Variants in USH2A observed in about 807,000 individuals in gnomAD.
USH2A encodes Usher syndrome 2A (autosomal recessive, mild).
Under a neutral mutation model 538.9 loss-of-function variants are expected in USH2A, and 443 were observed. The observed-to-expected ratio is 0.82, with a 90% CI of 0.76 to 0.89. USH2A has a LOEUF of 0.89. Ranked by LOEUF, USH2A falls within the 40% of genes least tolerant of loss-of-function variation. The pLI is 0.00. For synonymous variants in USH2A, 2,413 were observed against 2,273.5 expected (o/e 1.06, Z -1.75); for missense variants, 6,633 against 6,324.8 (o/e 1.05, Z -1.65).
At chr1:216,125,280 T>A (rs2033227068) in intron 21 of USH2A, among the ~76,000 whole-genome samples, 1 of 151,204 alleles carries the variant, frequency 6.6e-6, no homozygotes, top group African/African-American at 2.4e-5. Context: ...TCCAGGAAGA[T>A]CATTAAACGT....
Position 215,755,668 on chromosome 1 carries a change from C to T in USH2A, c.11389+2927G>A, listed in dbSNP as rs185472443. On this transcript the variant is annotated intron_variant, in intron 58 of 71. Coordinates refer to ENST00000307340, the MANE Select transcript of USH2A (RefSeq NM_206933.4). ...TGTGCATCTTAAACTATAAGATTGA[C>T]AGGTCTGAATATTATAGATTTATTA... Among the ~76,000 whole-genome samples the T allele has an allele frequency of 9.9e-3, 1,510 of 152,232 alleles. 20 individuals carry two copies. The highest frequency in any genetic ancestry group is 0.034 in the African/African-American group (1,425 of 41,542).
intron 8 of USH2A, among the ~76,000 whole-genome samples, chr1:216,322,604 CAAA>C (rs202180946): frequency 1.4e-5 from 1 of 72,698 alleles, no homozygotes; most frequent in Non-Finnish European, 2.9e-5. Flanking sequence ...AAAAGCCTGT[CAAA>C]AAAAAAAAAA....
Position 216,323,466 on chromosome 1 carries a change from A to G in USH2A, c.1550+8T>C, listed in dbSNP as rs1571700973. 6.2e-7 allele frequency: 1 copy of G among 1,612,982 alleles called. No homozygotes were observed. The highest frequency in any genetic ancestry group is 1.3e-5 in the African/African-American group (1 of 74,938). Reference sequence around the variant, plus strand: ...AAACCTTGTTGAAAACAAAATTCATAATAATACCTCCCACTAATGGTGATT... The same window carrying G: ...AAACCTTGTTGAAAACAAAATTCATGATAATACCTCCCACTAATGGTGATT... On this transcript the variant is annotated splice_region_variant and intron_variant, in intron 8 of 71. Transcript: ENST00000307340.
intron 4 of USH2A, among the ~76,000 whole-genome samples, chr1:216,356,538 T>C (rs2038394897): frequency 1.3e-5 from 2 of 152,220 alleles, no homozygotes; most frequent in South Asian, 2.1e-4. Context: ...TATGTATATG[T>C]ATGTTTATAA....
At chr1:216,104,246 G>C (rs941901078) in intron 21 of USH2A, among the ~76,000 whole-genome samples, 3 of 150,558 alleles carry the variant, frequency 2.0e-5, no homozygotes, top group African/African-American at 7.4e-5. Flanking sequence ...GCCCTGGTGT[G>C]TGATGTTCCC....
intron 58 of USH2A, among the ~76,000 whole-genome samples, chr1:215,749,099 T>C (rs1470192812): frequency 6.6e-6 from 1 of 152,214 alleles, no homozygotes; most frequent in Non-Finnish European, 1.5e-5. Flanking sequence ...TCAAATTGCA[T>C]TCCTACGAAA....
intron 30 of USH2A, among the ~76,000 whole-genome samples, chr1:216,065,046 T>C (rs2031305729): frequency 1.3e-5 from 2 of 152,258 alleles, no homozygotes; most frequent in Non-Finnish European, 2.9e-5. Flanking sequence ...TAGTTAACTC[T>C]TCCCTTAGTT....
intron 21 of USH2A, among the ~76,000 whole-genome samples, chr1:216,126,187 G>A (rs2102598644): frequency 6.6e-6 from 1 of 151,620 alleles, no homozygotes; most frequent in East Asian, 2.0e-4. Flanking sequence ...TCTTCTTCCT[G>A]GCAATTAACA....
At chr1:215,867,512 A>G (rs1002934009) in intron 43 of USH2A, among the ~76,000 whole-genome samples, 5 of 152,252 alleles carry the variant, frequency 3.3e-5, no homozygotes, top group Non-Finnish European at 7.3e-5. Context: ...AGATGCAATT[A>G]CAAATCAGGC....
chr1:215,759,890 C>G, intron 56 of USH2A, 47 bp from the exon 57 acceptor site: 1 of 1,610,700 alleles, frequency 6.2e-7, no homozygotes, highest in Non-Finnish European at 8.5e-7. Context: ...AGAAAATAAA[C>G]AGTGTATCAA....
At chr1:216,370,518 A>G (rs1453669011) in intron 3 of USH2A, among the ~76,000 whole-genome samples, 3 of 151,410 alleles carry the variant, frequency 2.0e-5, no homozygotes, top group Non-Finnish European at 4.4e-5. Context: ...TGTCCCTGCT[A>G]AAAATACAAA....
intron 3 of USH2A, among the ~76,000 whole-genome samples, chr1:216,369,159 T>G (rs1415013502): frequency 6.6e-6 from 1 of 152,134 alleles, no homozygotes; most frequent in Non-Finnish European, 1.5e-5. Flanking sequence ...AAATAGAAAT[T>G]TCTATTTCTA....
chr1:215,768,182 C>T (rs563242951), intron 55 of USH2A, among the ~76,000 whole-genome samples: 2 of 152,138 alleles, frequency 1.3e-5, no homozygotes, highest in Non-Finnish European at 2.9e-5. Flanking sequence ...TATCCCCTCA[C>T]ATAATTTTCT....
chr1:216,078,659 G>T (rs1373636225), intron 26 of USH2A, among the ~76,000 whole-genome samples: 1 of 152,154 alleles, frequency 6.6e-6, no homozygotes, highest in Non-Finnish European at 1.5e-5. Flanking sequence ...AACATAGTTA[G>T]AAGATTAAAC....
chr1:215,714,716 T>A (rs1228058805), intron 61 of USH2A, among the ~76,000 whole-genome samples: 1 of 152,186 alleles, frequency 6.6e-6, no homozygotes, highest in African/African-American at 2.4e-5. Context: ...ATCTGGACTT[T>A]TCCTTTAACA....
intron 61 of USH2A, among the ~76,000 whole-genome samples, chr1:215,691,311 C>A (rs769028921): frequency 6.6e-6 from 1 of 152,168 alleles, no homozygotes; most frequent in Non-Finnish European, 1.5e-5. Flanking sequence ...ATAATCAAAG[C>A]CTGTTCTTTC....
At chr1:216,044,341 T>C (rs1320052414) in intron 32 of USH2A, among the ~76,000 whole-genome samples, 2 of 152,144 alleles carry the variant, frequency 1.3e-5, no homozygotes, top group Non-Finnish European at 2.9e-5. Context: ...GCTTTGTATG[T>C]TAATTATTAA....
chr1:215,889,545 C>T (rs1334272987), intron 40 of USH2A, among the ~76,000 whole-genome samples: 2 of 152,080 alleles, frequency 1.3e-5, no homozygotes, highest in Non-Finnish European at 2.9e-5. Flanking sequence ...TTCTGTTTAT[C>T]ATTCTAATCC....
At chr1:215,716,009 C>T (rs1659472542) in intron 61 of USH2A, among the ~76,000 whole-genome samples, 1 of 152,212 alleles carries the variant, frequency 6.6e-6, no homozygotes. Flanking sequence ...AGGCAACTGT[C>T]TATACTTAGA....
Sources: gnomAD v4.1 joint callset for allele counts (sites outside exome capture counted in the v4.1 genomes callset) on GRCh38, gnomAD v4.1.1 for gene constraint, MANE v1.5 for transcripts, NCBI Gene and HGNC (gene_info 2026-07-23, HGNC 2026-07-21) for gene names.